The following PTPRK variants were observed in gnomAD, a reference collection of about 807,000 sequenced individuals.
PTPRK encodes protein tyrosine phosphatase receptor type K, also known as receptor-type tyrosine-protein phosphatase kappa.
PTPRK carries 75 observed loss-of-function variants against 178.0 expected under a neutral mutation model. The observed-to-expected ratio is 0.42, with a 90% CI of 0.35 to 0.51. The LOEUF (loss-of-function observed/expected upper bound fraction) is 0.51, where lower values mean the gene tolerates loss of function less well. Among genes scored for constraint, PTPRK ranks in the 20% least tolerant of loss-of-function variants. The pLI is 0.02. For synonymous variants in PTPRK, 637 were observed against 620.6 expected, an observed-to-expected ratio of 1.03 and a Z score of -0.39; for missense variants, 1,441 against 1,797.8, an observed-to-expected ratio of 0.80 and a Z score of 3.59.
At chr6:128,359,449 T>C (rs530490658) in intron 2 of PTPRK, among the ~76,000 whole-genome samples, 1 of 150,604 alleles carries the variant, frequency 6.6e-6, no homozygotes, top group East Asian at 2.0e-4. Context: ...TTTGTTTTTG[T>C]AGTTCAATAA....
chr6:128,374,850 C>CT (rs1410202618), intron 2 of PTPRK, among the ~76,000 whole-genome samples: 6 of 151,894 alleles, frequency 4.0e-5, no homozygotes, highest in Non-Finnish European at 7.4e-5. Flanking sequence ...ACTACTCTGA[C>CT]TTTATCTCCT....
At chr6:127,970,560 T>C (rs1436118961) in intron 29 of PTPRK, among the ~76,000 whole-genome samples, 2 of 152,044 alleles carry the variant, frequency 1.3e-5, no homozygotes, top group East Asian at 1.9e-4. Flanking sequence ...TTTATAATAG[T>C]AATATTTGAT....
chr6:128,315,078 G>A (rs1827816767), intron 3 of PTPRK, among the ~76,000 whole-genome samples: 1 of 152,036 alleles, frequency 6.6e-6, no homozygotes, highest in African/African-American at 2.4e-5. Context: ...TATTTATGGA[G>A]CTAAATTGAC....
chr6:128,074,452 G>A (rs913058003), intron 11 of PTPRK, among the ~76,000 whole-genome samples: 1 of 152,012 alleles, frequency 6.6e-6, no homozygotes, highest in African/African-American at 2.4e-5. Flanking sequence ...TATTTTCCCA[G>A]GTTAGAGTTT....
chr6:128,099,196 A>ATATT (rs1554296268), intron 7 of PTPRK, among the ~76,000 whole-genome samples: 53 of 149,562 alleles, frequency 3.5e-4, no homozygotes, highest in African/African-American at 1.3e-3. Flanking sequence ...ATATATATAT[A>ATATT]TTTTTTCTTT....
intron 19 of PTPRK, among the ~76,000 whole-genome samples, chr6:127,991,835 T>C (rs1408190611): frequency 6.6e-6 from 1 of 151,720 alleles, no homozygotes; most frequent in East Asian, 1.9e-4. Flanking sequence ...CATATCCTAA[T>C]CTTATCATAA....
At chr6:128,380,599 G>A (rs778671343) in intron 2 of PTPRK, among the ~76,000 whole-genome samples, 1 of 151,338 alleles carries the variant, frequency 6.6e-6, no homozygotes, top group Non-Finnish European at 1.5e-5. Context: ...CTTTTAAAGG[G>A]TTTATAAACC....
chr6:128,494,177 G>T (rs1414479760), intron 1 of PTPRK, among the ~76,000 whole-genome samples: 1 of 146,298 alleles, frequency 6.8e-6, no homozygotes, highest in Non-Finnish European at 1.5e-5. Context: ...TCCAGCCTGG[G>T]TAATGTAGCA....
chr6:127,982,055 G>A (rs984320100), intron 24 of PTPRK, among the ~76,000 whole-genome samples: 23 of 152,018 alleles, frequency 1.5e-4, no homozygotes, highest in African/African-American at 5.3e-4. Flanking sequence ...GGCCAGGCTG[G>A]TCTTGAACTG....
chr6:128,075,146 G>A (rs1783559501), intron 11 of PTPRK, among the ~76,000 whole-genome samples: 1 of 151,900 alleles, frequency 6.6e-6, no homozygotes, highest in South Asian at 2.1e-4. Context: ...CCTTATGTAG[G>A]AGCCACAGTC....
intron 1 of PTPRK, among the ~76,000 whole-genome samples, chr6:128,431,563 G>T (rs1255112326): frequency 6.6e-6 from 1 of 152,080 alleles, no homozygotes; most frequent in Non-Finnish European, 1.5e-5. Flanking sequence ...TACATCAACC[G>T]AAATGAAATG....
At chr6:128,504,752 C>T (rs932993748) in intron 1 of PTPRK, among the ~76,000 whole-genome samples, 15 of 152,106 alleles carry the variant, frequency 9.9e-5, no homozygotes, top group Admixed American at 2.0e-4. Context: ...AAAGCCAGAG[C>T]CTGAATCACA....
intron 15 of PTPRK, 115 bp from the exon 16 acceptor site, chr6:127,999,019 A>G (rs1777495147): frequency 1.1e-6 from 1 of 913,386 alleles, no homozygotes; most frequent in Non-Finnish European, 1.6e-6. Context: ...AACAAGAGGA[A>G]TTCTGGGAAA....
At chr6:128,230,945 T>C (rs1050901863) in intron 5 of PTPRK, 5 of 152,210 alleles carry the variant, frequency 3.3e-5, no homozygotes, top group African/African-American at 1.2e-4. Context: ...TCTGTAAACA[T>C]TAAATTCAGA....
intron 17 of PTPRK, 32 bp downstream of exon 17, chr6:127,996,869 T>G: frequency 1.3e-6 from 2 of 1,593,890 alleles, no homozygotes; most frequent in Non-Finnish European, 1.7e-6. Flanking sequence ...CATATAATAT[T>G]TACATTCACC....
At chr6:128,146,115 C>T (rs553351707) in intron 7 of PTPRK, among the ~76,000 whole-genome samples, 150 of 152,266 alleles carry the variant, frequency 9.9e-4, no homozygotes, top group African/African-American at 3.4e-3. Context: ...AAATCAGGGC[C>T]TTCCAGCAGA....
intron 3 of PTPRK, among the ~76,000 whole-genome samples, chr6:128,255,185 T>C (rs1414621657): frequency 3.3e-5 from 5 of 152,026 alleles, no homozygotes; most frequent in Admixed American, 3.3e-4. Context: ...GAGACGGGGT[T>C]TCACCATGTT....
rs186638171 is a variant in PTPRK, at chr6:128,086,146, T to C, written c.1466-2322A>G. ...TTTGTTCCCTTGCCTGAGACTTATA[T>C]GACAGCTATTTCAGCTACTTTTTTT... is the stretch of plus-strand genomic sequence containing the variant. On this transcript the variant is annotated intron_variant, in intron 8 of 29. Transcript: ENST00000368226. Among the ~76,000 whole-genome samples the C allele has an allele frequency of 3.4e-3, 513 of 152,302 alleles. 1 individual carries two copies. Among genetic ancestry groups the C allele is most frequent in the African/African-American group, 0.012 (486 of 41,568 alleles).
At chr6:128,323,059 T>C (rs982153997) in intron 2 of PTPRK, among the ~76,000 whole-genome samples, 1 of 152,108 alleles carries the variant, frequency 6.6e-6, no homozygotes, top group African/African-American at 2.4e-5. Context: ...CTTGTAGAGC[T>C]ACAAGAAACC....
Sources: allele counts gnomAD v4.1 joint callset (sites outside exome capture counted in the v4.1 genomes callset), GRCh38; gene constraint gnomAD v4.1.1; transcripts MANE v1.5; gene names NCBI Gene and HGNC (gene_info 2026-07-23, HGNC 2026-07-21).